The following ZNF362 variants were observed in gnomAD, a reference collection of about 807,000 sequenced individuals.
The protein encoded by ZNF362 is zinc finger protein 362.
ZNF362 carries 11 observed loss-of-function variants against 42.9 expected under a neutral mutation model. The observed-to-expected ratio is 0.26, with a 90% CI of 0.16 to 0.42. ZNF362 has a LOEUF of 0.42. ZNF362 is among the 20% of genes least tolerant of loss of function. ZNF362 has a pLI of 1.00. For missense variants in ZNF362, 362 were observed against 576.2 expected (o/e 0.63, Z 3.81); for synonymous variants, 255 against 257.3 (o/e 0.99, Z 0.09).
the ZNF362 span, among the ~76,000 whole-genome samples, chr1:33,238,054 C>G: frequency 6.6e-6 from 1 of 152,148 alleles, no homozygotes; most frequent in Non-Finnish European, 1.5e-5. Context: ...TGCAGTGGCT[C>G]ACGCCTGTAA....
In ZNF362 at chr1:33,295,069, C is replaced by T. The variant is rs1373939507; in HGVS notation, c.987+54C>T. ...AGGTGCTCTGGTGCCCCCCCACCCA[C>T]CCCCACAAGGAAGCGTAGGAAGGGG... is the stretch of plus-strand genomic sequence containing the variant. On this transcript the variant is annotated intron_variant, in intron 7 of 8. Transcript: ENST00000539719. The T allele has an allele frequency of 3.1e-6, 5 of 1,611,278 alleles. No individual in the cohort carries two copies. In the South Asian group the frequency reaches 4.4e-5, roughly 14 times the overall value.
chr1:33,127,926 C>A, the ZNF362 span, among the ~76,000 whole-genome samples: 1 of 152,136 alleles, frequency 6.6e-6, no homozygotes, highest in Non-Finnish European at 1.5e-5. Context: ...AGGACTCCTA[C>A]CCTCCACTGC....
At chr1:33,153,249 A>G in the ZNF362 span, among the ~76,000 whole-genome samples, 2 of 152,182 alleles carry the variant, frequency 1.3e-5, no homozygotes, top group Non-Finnish European at 2.9e-5. Context: ...CTGACTTCAC[A>G]GGCCCCACAG....
chr1:33,190,856 C>G, the ZNF362 span, among the ~76,000 whole-genome samples: 1 of 152,170 alleles, frequency 6.6e-6, no homozygotes, highest in African/African-American at 2.4e-5. Context: ...TTGCTTCTTC[C>G]TATTGACTTC....
the ZNF362 span, chr1:33,165,375 A>T: frequency 1.7e-6 from 2 of 1,169,024 alleles, no homozygotes; most frequent in Non-Finnish European, 2.4e-6. This position sits in a 1 kb window ranked among gnomAD's most constrained non-coding sequence, Gnocchi z 4.0. Flanking sequence ...TCCACCGCAC[A>T]CCCGAGGCCC....
At chr1:33,241,393 G>C in the ZNF362 span, among the ~76,000 whole-genome samples, 1 of 151,596 alleles carries the variant, frequency 6.6e-6, no homozygotes, top group Admixed American at 6.6e-5. Context: ...TACTGGGGAG[G>C]CTGAGGCAGG....
At chr1:33,286,552 CCAAA>C (rs1256932209) in intron 6 of ZNF362, among the ~76,000 whole-genome samples, 3 of 151,770 alleles carry the variant, frequency 2.0e-5, no homozygotes, top group Admixed American at 6.6e-5. Context: ...TGGCAGGAAA[CCAAA>C]CAAACAACAA....
intron 6 of ZNF362, among the ~76,000 whole-genome samples, chr1:33,286,883 T>A (rs895620981): frequency 2.0e-5 from 3 of 152,072 alleles, no homozygotes; most frequent in Non-Finnish European, 4.4e-5. Flanking sequence ...TAAAAGAAGG[T>A]CATGTCCAAA....
the ZNF362 span, among the ~76,000 whole-genome samples, chr1:33,174,930 CAT>C: frequency 7.9e-5 from 9 of 114,564 alleles, no homozygotes; most frequent in South Asian, 6.2e-4. Context: ...CACACACACA[CAT>C]ACATATATGT....
chr1:33,142,359 C>T, the ZNF362 span: 1 of 152,384 alleles, frequency 6.6e-6, no homozygotes, highest in Admixed American at 6.5e-5. Context: ...GAATGTATCT[C>T]TGTTGTTTTC....
At chr1:33,257,556 T>G (rs2148056228) in intron 1 of ZNF362, among the ~76,000 whole-genome samples, 1 of 145,934 alleles carries the variant, frequency 6.9e-6, no homozygotes, top group East Asian at 2.3e-4. Flanking sequence ...CTGCGCGGGA[T>G]GGGGGTGGGG....
chr1:33,192,085 A>G, the ZNF362 span, among the ~76,000 whole-genome samples: 1 of 152,206 alleles, frequency 6.6e-6, no homozygotes, highest in Non-Finnish European at 1.5e-5. Flanking sequence ...GTAGGAAATT[A>G]GGGGATTTTA....
At chr1:33,275,899 T>C (rs535690951) in intron 2 of ZNF362, among the ~76,000 whole-genome samples, 15 of 151,454 alleles carry the variant, frequency 9.9e-5, no homozygotes, top group African/African-American at 3.6e-4. Flanking sequence ...GTGGTGGGGG[T>C]GTCACTGAAT....
the ZNF362 span, among the ~76,000 whole-genome samples, chr1:33,185,912 A>G: frequency 6.6e-6 from 1 of 152,222 alleles, no homozygotes; most frequent in Non-Finnish European, 1.5e-5. Flanking sequence ...ATAGAACTAT[A>G]TTCTAATTGT....
intron 1 of ZNF362, among the ~76,000 whole-genome samples, chr1:33,268,247 C>G (rs1344217379): frequency 6.6e-6 from 1 of 152,138 alleles, no homozygotes; most frequent in African/African-American, 2.4e-5. Flanking sequence ...ACAGTGTTAA[C>G]ACAGAGGACA....
the ZNF362 span, among the ~76,000 whole-genome samples, chr1:33,243,338 G>A: frequency 1.3e-5 from 2 of 151,590 alleles, no homozygotes; most frequent in African/African-American, 2.4e-5. Flanking sequence ...CGCACCACCC[G>A]GCTAATTTTT....
chr1:33,277,913 T>C (rs867594905), intron 4 of ZNF362, among the ~76,000 whole-genome samples: 1 of 146,000 alleles, frequency 6.8e-6, no homozygotes, highest in African/African-American at 2.7e-5. Flanking sequence ...ACCTCAGTGG[T>C]TGGGCCTTTG....
chr1:33,189,135 C>T, the ZNF362 span, among the ~76,000 whole-genome samples: 1 of 152,170 alleles, frequency 6.6e-6, no homozygotes, highest in African/African-American at 2.4e-5. Context: ...TCTTCAGGAG[C>T]CCTTGAGTGG....
chr1:33,165,759 T>C, the ZNF362 span: 1 of 423,928 alleles, frequency 2.4e-6, no homozygotes, highest in Non-Finnish European at 4.2e-6. This position sits in a 1 kb window ranked among gnomAD's most constrained non-coding sequence, Gnocchi z 4.0. Flanking sequence ...CCCGTCCGTA[T>C]CTTTCACCTG....
Sources: gnomAD v4.1 joint callset for allele counts (sites outside exome capture counted in the v4.1 genomes callset) on GRCh38, gnomAD v4.1.1 for gene constraint, Gnocchi (gnomAD v3.1) non-coding constraint, MANE v1.5 for transcripts, NCBI Gene and HGNC (gene_info 2026-07-23, HGNC 2026-07-21) for gene names.